Variants in FNIP2 observed in about 807,000 individuals in gnomAD.
FNIP2 encodes folliculin-interacting protein 2.
A neutral mutation model predicts 108.7 loss-of-function variants in FNIP2; 32 were observed. The ratio of observed to expected loss-of-function variants is 0.29; its 90% CI spans 0.22 to 0.40. The LOEUF is 0.40. Among genes scored for constraint, FNIP2 ranks in the 10% least tolerant of loss-of-function variants. The pLI is 1.00. For synonymous variants in FNIP2, 480 were observed against 496.7 expected (o/e 0.97, Z 0.45); for missense variants, 1,202 against 1,381.6 (o/e 0.87, Z 2.06).
Position 158,906,749 on chromosome 4 carries a change from A to T in FNIP2, c.*2205A>T, listed in dbSNP as rs931808379. 6.6e-6 allele frequency: 1 copy of T among 152,132 alleles called. No homozygotes were observed. The highest frequency in any genetic ancestry group is 2.4e-5 in the African/African-American group (1 of 41,422). 9.4% of individuals were successfully genotyped at this position (152,132 alleles called of 1,614,324 possible). Reference sequence around the variant, plus strand: ...TTGCTGCTCTTTTATAATCCTTTAAATATTTAACATTCAAGTTTTCTTTGT... The same window carrying T: ...TTGCTGCTCTTTTATAATCCTTTAATTATTTAACATTCAAGTTTTCTTTGT... On this transcript the variant is annotated 3_prime_UTR_variant, in exon 17 of 17. Coordinates refer to ENST00000264433, the MANE Select transcript of FNIP2 (RefSeq NM_020840.3).
Position 158,786,997 on chromosome 4 carries a change from T to TAAATTCA in FNIP2, c.107+17680_107+17681insATTCAAA, listed in dbSNP as rs1776246516. On this transcript the variant is annotated intron_variant, in intron 1 of 16. Coordinates refer to ENST00000264433, the MANE Select transcript of FNIP2 (RefSeq NM_020840.3). ...GTCTCAGCTTTTTTTTTTTAATCTC[T>TAAATTCA]AAGTCTGTGACTTTTTGAATTTTAC... Among the ~76,000 whole-genome samples the TAAATTCA allele has an allele frequency of 4.6e-5, 7 of 152,138 alleles. No homozygotes were observed. In the South Asian group the frequency reaches 1.5e-3, roughly 32 times the overall value.
intron 15 of FNIP2, among the ~76,000 whole-genome samples, chr4:158,895,127 G>T (rs573324867): frequency 1.5e-4 from 23 of 152,194 alleles, no homozygotes; most frequent in Admixed American, 3.9e-4. Flanking sequence ...TATTCCAAGG[G>T]TAAAGATGTC....
At chr4:158,837,593 C>T (rs1778881095) in intron 7 of FNIP2, among the ~76,000 whole-genome samples, 1 of 152,080 alleles carries the variant, frequency 6.6e-6, no homozygotes, top group Non-Finnish European at 1.5e-5. Flanking sequence ...CTTTTCCTTG[C>T]TCTTTGAGAA....
At chr4:158,895,467 CTT>C (rs1481599118) in intron 15 of FNIP2, among the ~76,000 whole-genome samples, 1 of 152,022 alleles carries the variant, frequency 6.6e-6, no homozygotes, top group Non-Finnish European at 1.5e-5. Flanking sequence ...GCAAGAAACA[CTT>C]TTGGAATGAT....
chr4:158,869,286 G>A lies in FNIP2; in HGVS notation c.2650G>A (p.Glu884Lys). ...CAACAAGAAGGCCAACTTCAGGACTGAAGGAGACATTCCCCGAAATGAAAG... is the reference window on the plus strand; with the variant it reads ...CAACAAGAAGGCCAACTTCAGGACTAAAGGAGACATTCCCCGAAATGAAAG... ...DDNKKANFRT[E>K]GDIPRNESSD... is the part of the protein sequence containing the mutation. The change falls in exon 13 of 17, where the codon GAA becomes AAA. Residue 884 changes from glutamate (E) to lysine (K), a missense_variant. By Grantham distance (56) the Glu-to-Lys change is moderately conservative. Coordinates refer to ENST00000264433, the MANE Select transcript of FNIP2 (RefSeq NM_020840.3). 6.2e-7 allele frequency: 1 copy of A among 1,613,964 alleles called. No individual in the cohort carries two copies.
intron 7 of FNIP2, among the ~76,000 whole-genome samples, chr4:158,843,044 G>C (rs905285612): frequency 6.6e-6 from 1 of 152,066 alleles, no homozygotes. Flanking sequence ...TAAACTTCGA[G>C]GAACCTTGTA....
chr4:158,886,332 A>G (rs1377666253), intron 14 of FNIP2, among the ~76,000 whole-genome samples: 1 of 152,182 alleles, frequency 6.6e-6, no homozygotes, highest in Non-Finnish European at 1.5e-5. Flanking sequence ...CTGGCTGTCC[A>G]CCTTAACAAT....
At chr4:158,881,740 C>T (rs1342896738) in intron 14 of FNIP2, among the ~76,000 whole-genome samples, 4 of 152,244 alleles carry the variant, frequency 2.6e-5, no homozygotes, top group Non-Finnish European at 5.9e-5. Flanking sequence ...GACGGAGTCT[C>T]GTTCACTCAG....
chr4:158,843,644 C>T (rs1779242597), intron 7 of FNIP2, among the ~76,000 whole-genome samples: 1 of 152,146 alleles, frequency 6.6e-6, no homozygotes, highest in African/African-American at 2.4e-5. Context: ...TAGGGACCAA[C>T]TATGTGAAGA....
At chr4:158,828,565 G>A (rs1015606042) in intron 2 of FNIP2, among the ~76,000 whole-genome samples, 9 of 152,140 alleles carry the variant, frequency 5.9e-5, no homozygotes, top group Admixed American at 1.3e-4. Context: ...GCAGTGAGCC[G>A]AGATCATGCC....
intron 14 of FNIP2, among the ~76,000 whole-genome samples, chr4:158,883,069 CA>C (rs904859332): frequency 6.7e-5 from 10 of 149,244 alleles, no homozygotes; most frequent in South Asian, 2.1e-4. Context: ...AGCTATCACC[CA>C]AAAAAAATAA....
At chr4:158,855,376 C>T (rs934846391) in intron 8 of FNIP2, among the ~76,000 whole-genome samples, 2 of 152,142 alleles carry the variant, frequency 1.3e-5, no homozygotes, top group African/African-American at 4.8e-5. Flanking sequence ...ATGCAGCCAG[C>T]CCTTAATAGA....
At chr4:158,872,775 TC>T in intron 14 of FNIP2, 1 of 960,710 alleles carries the variant, frequency 1.0e-6, no homozygotes, top group Non-Finnish European at 1.2e-6. Context: ...ACTTTCAACA[TC>T]CATTTACAAA....
intron 14 of FNIP2, among the ~76,000 whole-genome samples, chr4:158,881,027 T>C (rs911885570): frequency 3.3e-5 from 5 of 152,218 alleles, no homozygotes; most frequent in Admixed American, 6.5e-5. Flanking sequence ...GTCATGGTGC[T>C]GTAACATAAG....
At chr4:158,890,944 C>T (rs1782242839) in intron 14 of FNIP2, among the ~76,000 whole-genome samples, 1 of 152,086 alleles carries the variant, frequency 6.6e-6, no homozygotes, top group African/African-American at 2.4e-5. Context: ...AGGATGGACC[C>T]GATTGCAGTC....
At chr4:158,830,800 T>G (rs1176035591) in intron 3 of FNIP2, among the ~76,000 whole-genome samples, 2 of 152,160 alleles carry the variant, frequency 1.3e-5, no homozygotes, top group African/African-American at 2.4e-5. Context: ...GGCACACTGG[T>G]TTGCTCAGCA....
At chr4:158,826,141 T>C in intron 2 of FNIP2, 99 bp downstream of exon 2, 1 of 1,436,178 alleles carries the variant, frequency 7.0e-7, no homozygotes, top group Non-Finnish European at 9.4e-7. Context: ...TGAGTTATAT[T>C]ATACAGTGCC....
chr4:158,871,300 G>A (rs1780933789), intron 14 of FNIP2: 1 of 844,870 alleles, frequency 1.2e-6, no homozygotes. Context: ...TGCAAAAATA[G>A]ACATTTTGTA....
chr4:158,793,543 T>C (rs1776489095), intron 1 of FNIP2, among the ~76,000 whole-genome samples: 1 of 152,152 alleles, frequency 6.6e-6, no homozygotes, highest in South Asian at 2.1e-4. Flanking sequence ...TTCTACAGAG[T>C]TTAATGGATG....
Sources: allele counts gnomAD v4.1 joint callset (sites outside exome capture counted in the v4.1 genomes callset), GRCh38; gene constraint gnomAD v4.1.1; transcripts MANE v1.5; gene names NCBI Gene and HGNC (gene_info 2026-07-23, HGNC 2026-07-21).